DSC2: variants seen among roughly 807,000 people sequenced by gnomAD.
DSC2 encodes the protein desmocollin 2, also known as desmocollin-2.
A neutral mutation model predicts 87.6 loss-of-function variants in DSC2; 51 were observed. The ratio of observed to expected loss-of-function variants is 0.58; its 90% CI spans 0.46 to 0.74. The LOEUF (loss-of-function observed/expected upper bound fraction) is 0.74, where lower values mean the gene tolerates loss of function less well. Ranked by LOEUF, DSC2 falls within the 30% of genes least tolerant of loss-of-function variation. The pLI, the probability that DSC2 is intolerant of heterozygous loss-of-function variation, is 0.00. For missense variants in DSC2, 1,066 were observed against 1,089.5 expected, an observed-to-expected ratio of 0.98 and a Z score of 0.30; for synonymous variants, 383 against 393.2, an observed-to-expected ratio of 0.97 and a Z score of 0.31.
At chr18:31,076,791 C>A (rs1987031562) in intron 11 of DSC2, among the ~76,000 whole-genome samples, 1 of 152,162 alleles carries the variant, frequency 6.6e-6, no homozygotes. Context: ...ACGGCATACA[C>A]ATTGTACTAA....
intron 11 of DSC2, among the ~76,000 whole-genome samples, chr18:31,077,010 TA>T (rs1987041445): frequency 6.6e-6 from 1 of 152,050 alleles, no homozygotes; most frequent in Admixed American, 6.6e-5. Flanking sequence ...AGGCCAATAT[TA>T]AAATATTTTT....
In DSC2 at chr18:31,061,159, G is replaced by T. The variant is rs1183669649; in HGVS notation, c.*6856C>A. The T allele has an allele frequency of 6.6e-6, 1 of 152,180 alleles. No homozygotes were observed. The highest frequency in any genetic ancestry group is 2.4e-5 in the African/African-American group (1 of 41,452). 9.4% of individuals were successfully genotyped at this position (152,180 alleles called of 1,614,324 possible). A position where few individuals can be genotyped will look rare whatever the true frequency, so the allele number is the denominator to read the frequency against. ...CACCAGGGTGATTCTGATGCTGATG[G>T]TCAGTGAAACACACTCTAAAAATTA... is the stretch of plus-strand genomic sequence containing the variant. On this transcript the variant is annotated 3_prime_UTR_variant, in exon 16 of 16. Coordinates refer to ENST00000280904, the MANE Select transcript of DSC2 (RefSeq NM_024422.6).
intron 11 of DSC2, 92 bp downstream of exon 11, chr18:31,079,755 G>T: frequency 1.4e-6 from 2 of 1,448,972 alleles, no homozygotes; most frequent in East Asian, 2.3e-5. Context: ...CAGAGTGCAT[G>T]TATCCAGCTT....
At chr18:31,086,135 T>C (rs1987387241) in intron 7 of DSC2, among the ~76,000 whole-genome samples, 1 of 152,190 alleles carries the variant, frequency 6.6e-6, no homozygotes. Flanking sequence ...TTAGATTTAT[T>C]ACATCATAAG....
At position 31,066,719 on chromosome 18, in the gene DSC2, A is replaced by G. The variant is rs2144777223; in HGVS notation, c.*1296T>C. 6.6e-6 allele frequency: 1 copy of G among 152,292 alleles called. No individual in the cohort carries two copies. Among genetic ancestry groups the G allele is most frequent in the South Asian group, 2.1e-4 (1 of 4,828 alleles). The allele number at this position is 152,292 out of a possible 1,614,324, so 9.4% of individuals were successfully genotyped here. ...TTTGTTTTACTGTTTTAAAATTTAA[A>G]TAGTTTGGCTCATTTCTACATTTGT... On this transcript the variant is annotated 3_prime_UTR_variant, in exon 16 of 16. Coordinates refer to ENST00000280904, the MANE Select transcript of DSC2 (RefSeq NM_024422.6).
rs1462233014 is a variant in DSC2 at position 31,061,156 on chromosome 18, A to T, written c.*6859T>A. 1.3e-5 allele frequency: 2 copies of T among 152,236 alleles called. No homozygotes were observed. Among genetic ancestry groups the T allele is most frequent in the African/African-American group, 4.8e-5 (2 of 41,480 alleles). The allele number at this position is 152,236 out of a possible 1,614,324, so 9.4% of individuals were successfully genotyped here. ...CAACACCAGGGTGATTCTGATGCTG[A>T]TGGTCAGTGAAACACACTCTAAAAA... On this transcript the variant is annotated 3_prime_UTR_variant, in exon 16 of 16. Transcript: ENST00000280904.
At chr18:31,091,986 C>A (rs2144845808) in intron 3 of DSC2, 115 bp downstream of exon 3, 1 of 1,095,890 alleles carries the variant, frequency 9.1e-7, no homozygotes, top group South Asian at 1.6e-5. Flanking sequence ...TCATGGTTTT[C>A]ATTCGTCTTT....
Position 31,071,750 on chromosome 18 carries a change from A to G in DSC2, c.1980T>C (p.Ser660=), listed in dbSNP as rs1986841255. ...ACAGTGTAACATCCAATGAAGTGAC[A>G]CTAGACATGCCAAGTCTATCTCTCA... ...ITVRDRLGMS[S]VTSLDVTLCD... is the part of the protein sequence containing the mutation. The change falls in exon 13 of 16, where the codon AGT becomes AGC. Residue 660 remains serine, a synonymous_variant. Coordinates refer to ENST00000280904, the MANE Select transcript of DSC2 (RefSeq NM_024422.6). 5 of 1,613,948 alleles carry G rather than the reference A, an allele frequency of 3.1e-6. No individual in the cohort carries two copies. Among genetic ancestry groups the G allele is most frequent in the Non-Finnish European group, 2.5e-6 (3 of 1,179,916 alleles).
At chr18:31,085,846 AG>A (rs1987378168) in intron 7 of DSC2, among the ~76,000 whole-genome samples, 1 of 152,126 alleles carries the variant, frequency 6.6e-6, no homozygotes, top group East Asian at 1.9e-4. Context: ...TGCTTCAGGG[AG>A]GAGGTAATAG....
chr18:31,086,674 A>G lies in DSC2; in HGVS notation c.844T>C (p.Tyr282His), dbSNP rs397517405. The part of the protein sequence containing the change: ...EPDTMHTRLK[Y>H]SIIGQVPPSP... ...GGTGGCACCTGCCCAATGATGGAGT[A>G]CTTCAGGCGTGTGTGCATCGTGTCA... The change falls in exon 7 of 16, where the codon TAC (tyrosine) becomes CAC (histidine). Residue 282 changes from tyrosine to histidine, a missense_variant. By Grantham distance (83) the Tyr-to-His change is moderately conservative. Transcript: ENST00000280904. 1.9e-6 allele frequency: 3 copies of G among 1,614,170 alleles called. No homozygotes were observed. The highest frequency in any genetic ancestry group is 1.1e-5 in the South Asian group (1 of 91,078).
intron 1 of DSC2, among the ~76,000 whole-genome samples, chr18:31,099,290 A>G (rs1987858507): frequency 6.6e-6 from 1 of 152,180 alleles, no homozygotes; most frequent in Non-Finnish European, 1.5e-5. Flanking sequence ...TTAAGAGTGC[A>G]GGAAAAAGTA....
At position 31,071,811 on chromosome 18, in the gene DSC2, T is replaced by C; in HGVS notation, c.1919A>G (p.Asp640Gly). ...DTAARLSYQN[D>G]PPFGSYVVPI... ...TACTACATATGAGCCAAATGGAGGA[T>C]CATTCTGATAGGAAAGACGTGCTGC... Residue 640 changes from aspartate to glycine, a missense_variant, in exon 13 of 16, where the codon GAT (aspartate) becomes GGT (glycine). Asp to Gly is a moderately conservative substitution (Grantham distance 94). Coordinates refer to ENST00000280904, the MANE Select transcript of DSC2 (RefSeq NM_024422.6). The C allele has an allele frequency of 6.2e-7, 1 of 1,613,876 alleles. No individual in the cohort carries two copies. The highest frequency in any genetic ancestry group is 2.2e-5 in the East Asian group (1 of 44,822).
intron 11 of DSC2, among the ~76,000 whole-genome samples, chr18:31,078,350 G>A (rs1199633723): frequency 6.6e-6 from 1 of 152,132 alleles, no homozygotes; most frequent in Non-Finnish European, 1.5e-5. Flanking sequence ...AATGCGAACA[G>A]CCTCATTACA....
At position 31,074,897 on chromosome 18, in the gene DSC2, T is replaced by A. The variant is rs761048564; in HGVS notation, c.1674A>T (p.Thr558=). 1.2e-6 allele frequency: 2 copies of A among 1,613,720 alleles called. No individual in the cohort carries two copies. Among genetic ancestry groups the A allele is most frequent in the Non-Finnish European group, 1.7e-6 (2 of 1,179,834 alleles). ...GTATAATGCCCAGTGTCCCCGTACA[T>A]GTTCTCCCTCCTAGAAAAATGAAAA... The part of the protein sequence containing the change: ...TVLASDQGGR[T]CTGTLGIILQ... The change falls in exon 12 of 16, where the codon ACA becomes ACT. Residue 558 remains threonine, a synonymous_variant. Coordinates refer to ENST00000280904, the MANE Select transcript of DSC2 (RefSeq NM_024422.6).
At chr18:31,073,522 T>G (rs982007188) in intron 12 of DSC2, among the ~76,000 whole-genome samples, 2 of 152,210 alleles carry the variant, frequency 1.3e-5, no homozygotes, top group African/African-American at 4.8e-5. Context: ...TTCCCCATCC[T>G]GTTCTCCCTT....
chr18:31,068,874 G>A lies in DSC2; in HGVS notation c.2508+20C>T, dbSNP rs767753341. The A allele has an allele frequency of 1.9e-6, 3 of 1,612,292 alleles. No homozygotes were observed. The African/African-American group carries it at 4.0e-5, about 22-fold the overall frequency. ...TAAAGAAAATTAAAATAGATTTGTA[G>A]GCCACTTAGGAAAACTCACTTCACC... On this transcript the variant is annotated intron_variant, in intron 15 of 15. Coordinates refer to ENST00000280904, the MANE Select transcript of DSC2 (RefSeq NM_024422.6).
chr18:31,092,157 TG>T lies in DSC2; in HGVS notation c.297del (p.Asn100ThrfsTer21). On this transcript the variant is annotated frameshift_variant, in exon 3 of 16. Coordinates refer to ENST00000280904, the MANE Select transcript of DSC2 (RefSeq NM_024422.6). LOFTEE classifies it high-confidence loss of function. ...TTCTTCTTTTCTTGGTTCTCAGTGTTGGAAAGTAATATGGTAAAACTTCTCT... is the reference window on the plus strand; with the variant it reads ...TTCTTCTTTTCTTGGTTCTCAGTGTTGAAAGTAATATGGTAAAACTTCTCT... The part of the protein sequence containing the change: ...SEKRSFTILL[S>X]NTENQEKKKI... The T allele has an allele frequency of 1.2e-6, 2 of 1,613,512 alleles. No individual in the cohort carries two copies. Among genetic ancestry groups the T allele is most frequent in the Non-Finnish European group, 1.7e-6 (2 of 1,179,614 alleles).
Position 31,102,116 on chromosome 18 carries a change from C to CT in DSC2, c.-146dup. 1 of 625,096 alleles carries CT rather than the reference C, an allele frequency of 1.6e-6. No homozygotes were observed. Among genetic ancestry groups the CT allele is most frequent in the Non-Finnish European group, 2.5e-6 (1 of 400,398 alleles). 38.7% of individuals were successfully genotyped at this position (625,096 alleles called of 1,614,324 possible). On this transcript the variant is annotated 5_prime_UTR_variant, in exon 1 of 16. The change creates a premature stop within an existing upstream ORF in the 5' untranslated region. Transcript: ENST00000280904. ...AGGAGGTGGGGCGCGCGGAGAGGTG[C>CT]TTTTCTTAGCTTCTCTGAAGCGCCT...
chr18:31,084,951 T>C (rs1313089975), intron 7 of DSC2, among the ~76,000 whole-genome samples: 4 of 152,098 alleles, frequency 2.6e-5, no homozygotes, highest in Admixed American at 1.3e-4. Context: ...GAACCAATAT[T>C]TTCCAAATGA....
Sources: allele counts gnomAD v4.1 joint callset (sites outside exome capture counted in the v4.1 genomes callset), GRCh38; gene constraint gnomAD v4.1.1; transcripts MANE v1.5; gene names NCBI Gene and HGNC (gene_info 2026-07-23, HGNC 2026-07-21).